Variants in HRH4 observed in about 807,000 individuals in gnomAD.
HRH4 encodes histamine H4 receptor.
HRH4 carries 12 observed loss-of-function variants against 10.4 expected under a neutral mutation model. The ratio of observed to expected loss-of-function variants is 1.15; its 90% CI spans 0.74 to 1.87. The LOEUF (loss-of-function observed/expected upper bound fraction) is 1.87. Among genes scored for constraint, HRH4 ranks in the 40% most tolerant of loss-of-function variants. The pLI is 0.00. For synonymous variants in HRH4, 154 were observed against 166.6 expected (o/e 0.92, Z 0.58); for missense variants, 415 against 453.3 (o/e 0.92, Z 0.77).
intron 2 of HRH4, among the ~76,000 whole-genome samples, chr18:24,470,942 A>G (rs1909925472): frequency 2.0e-5 from 3 of 148,212 alleles, no homozygotes; most frequent in Non-Finnish European, 4.5e-5. Context: ...TTTTTTTTTA[A>G]CCAAGTAGTG....
chr18:24,460,862 A>G lies in HRH4; in HGVS notation c.134A>G (p.Asn45Ser), dbSNP rs184989207. 6.3e-6 allele frequency: 10 copies of G among 1,586,274 alleles called. No individual in the cohort carries two copies. Among genetic ancestry groups the G allele is most frequent in the African/African-American group, 4.0e-5 (3 of 74,786 alleles). ...ATTTTAGCTTTTGTGGTGGACAAAA[A>G]CCTTAGACATCGAAGTAGTTATTTT... ...LVILAFVVDK[N>S]LRHRSSYFFL... The change falls in exon 1 of 3, where the codon AAC becomes AGC. Residue 45 changes from asparagine (N) to serine (S), a missense_variant. Physicochemically the swap from Asn to Ser is conservative, Grantham distance 46. Coordinates refer to ENST00000256906, the MANE Select transcript of HRH4 (RefSeq NM_021624.4).
rs757444582 is a variant in HRH4 at position 24,476,791 on chromosome 18, T to C, written c.402T>C (p.Thr134=). Residue 134 remains threonine, a synonymous_variant, in exon 3 of 3, where the codon ACT becomes ACC. Coordinates refer to ENST00000256906, the MANE Select transcript of HRH4 (RefSeq NM_021624.4). ...TQHTGVLKIV[T]LMVAVWVLAF... ...ATACTGGGGTCTTGAAGATTGTTAC[T>C]CTGATGGTGGCCGTTTGGGTGCTGG... 8 of 1,614,122 alleles carry C rather than the reference T, an allele frequency of 5.0e-6. No individual in the cohort carries two copies. The East Asian group carries it at 1.8e-4, about 36-fold the overall frequency.
chr18:24,462,054 G>A (rs772092940), intron 1 of HRH4, among the ~76,000 whole-genome samples: 18 of 152,166 alleles, frequency 1.2e-4, no homozygotes, highest in Non-Finnish European at 2.4e-4. Context: ...TTTAGTTAGC[G>A]AATAGAGGCA....
intron 2 of HRH4, among the ~76,000 whole-genome samples, chr18:24,475,746 A>T (rs1263388644): frequency 6.6e-6 from 1 of 152,212 alleles, no homozygotes; most frequent in Non-Finnish European, 1.5e-5. Context: ...GGTAGCTCAC[A>T]TGTGTAATCC....
At position 24,478,930 on chromosome 18, in the gene HRH4, T is replaced by A. The variant is rs913106033; in HGVS notation, c.*1368T>A. 1 of 152,050 alleles carries A rather than the reference T, an allele frequency of 6.6e-6. No individual in the cohort carries two copies. Among genetic ancestry groups the A allele is most frequent in the African/African-American group, 2.4e-5 (1 of 41,376 alleles). 9.4% of individuals were successfully genotyped at this position (152,050 alleles called of 1,614,324 possible). A position where few individuals can be genotyped will look rare whatever the true frequency, so the allele number is the denominator to read the frequency against. Reference sequence around the variant, plus strand: ...TTTTTAAAAAAAATTTTTAAAAAGGTTTTTTGAGACAGATTCTTGCTCTGT... The same window carrying A: ...TTTTTAAAAAAAATTTTTAAAAAGGATTTTTGAGACAGATTCTTGCTCTGT... On this transcript the variant is annotated 3_prime_UTR_variant, in exon 3 of 3. Coordinates refer to ENST00000256906, the MANE Select transcript of HRH4 (RefSeq NM_021624.4).
intron 1 of HRH4, among the ~76,000 whole-genome samples, chr18:24,467,834 G>A (rs528456698): frequency 1.3e-4 from 20 of 152,106 alleles, no homozygotes; most frequent in Non-Finnish European, 2.2e-4. Context: ...GTGGGCCACC[G>A]TGCCCGGCCT....
chr18:24,479,103 A>C lies in HRH4; in HGVS notation c.*1541A>C, dbSNP rs1910235858. The C allele has an allele frequency of 6.6e-6, 1 of 151,506 alleles. No homozygotes were observed. Among genetic ancestry groups the C allele is most frequent in the Admixed American group, 6.6e-5 (1 of 15,186 alleles). The allele number at this position is 151,506 out of a possible 1,614,324, so 9.4% of individuals were successfully genotyped here. On this transcript the variant is annotated 3_prime_UTR_variant, in exon 3 of 3. Transcript: ENST00000256906. ...TGGCTAATTTTGGTATTTTTAGTAG[A>C]GATGAGGTTTTGCCATTTTGGTCAG...
In HRH4 at chr18:24,460,898, T is replaced by G. The variant is rs142480341; in HGVS notation, c.170T>G (p.Leu57Trp). The change falls in exon 1 of 3, where the codon TTG becomes TGG. Residue 57 changes from leucine to tryptophan, a missense_variant. Leu to Trp is a moderately conservative substitution (Grantham distance 61). Transcript: ENST00000256906. ...RHRSSYFFLN[L>W]AISDFFVGVI... ...CGAAGTAGTTATTTTTTTCTTAACT[T>G]GGCCATCTCTGACTTCTTTGTGGGT... 9 of 1,573,362 alleles carry G rather than the reference T, an allele frequency of 5.7e-6. No individual in the cohort carries two copies. The South Asian group carries it at 8.2e-5, about 14-fold the overall frequency.
chr18:24,465,402 T>G (rs536193028), intron 1 of HRH4, among the ~76,000 whole-genome samples: 1 of 151,472 alleles, frequency 6.6e-6, no homozygotes. Flanking sequence ...GGCAGAAGGG[T>G]GGGTGGTGCA....
chr18:24,470,323 T>C (rs1022337923), intron 2 of HRH4, among the ~76,000 whole-genome samples: 1 of 152,174 alleles, frequency 6.6e-6, no homozygotes, highest in Non-Finnish European at 1.5e-5. Flanking sequence ...ACTTTCATTA[T>C]CAAGAGCCAG....
intron 2 of HRH4, 114 bp downstream of exon 2, chr18:24,469,065 G>A: frequency 1.4e-6 from 1 of 735,802 alleles, no homozygotes; most frequent in South Asian, 2.2e-5. Context: ...AGGCCTTAGA[G>A]GAACCCTATC....
At chr18:24,461,161 T>A (rs922318140) in intron 1 of HRH4, among the ~76,000 whole-genome samples, 8 of 152,146 alleles carry the variant, frequency 5.3e-5, no homozygotes, top group Non-Finnish European at 1.2e-4. Flanking sequence ...TTTTATAGAA[T>A]AAAGATAAGT....
chr18:24,472,391 G>C (rs938357524), intron 2 of HRH4, among the ~76,000 whole-genome samples: 2 of 152,076 alleles, frequency 1.3e-5, no homozygotes, highest in Admixed American at 1.3e-4. Context: ...TAATTCCCCT[G>C]GAAATTCAGG....
Position 24,477,288 on chromosome 18 carries a change from G to T in HRH4, c.899G>T (p.Arg300Ile), listed in dbSNP as rs757843291. The stretch of plus-strand genomic sequence containing the variant: ...CATGTTGAACTGCTTAGAGCCAGGA[G>T]ATTAGCCAAGTCACTGGCCATTCTC... Reference protein sequence around the residue: ...REHVELLRARRLAKSLAILLG... With the variant: ...REHVELLRARILAKSLAILLG... Residue 300 changes from arginine (R) to isoleucine (I), a missense_variant, in exon 3 of 3, where the codon AGA (arginine) becomes ATA (isoleucine). Physicochemically the swap from Arg to Ile is moderately conservative, Grantham distance 97 (BLOSUM62 -3). Transcript: ENST00000256906. 4 of 1,614,190 alleles carry T rather than the reference G, an allele frequency of 2.5e-6. No homozygotes were observed. The highest frequency in any genetic ancestry group is 2.2e-5 in the South Asian group (2 of 91,086).
intron 1 of HRH4, among the ~76,000 whole-genome samples, chr18:24,468,527 G>A (rs933623199): frequency 1.3e-5 from 2 of 152,276 alleles, no homozygotes; most frequent in Non-Finnish European, 2.9e-5. Context: ...TCTGTGGTTG[G>A]TTGAATCCAC....
chr18:24,473,976 C>CT (rs1910057527), intron 2 of HRH4, among the ~76,000 whole-genome samples: 3 of 28,760 alleles, frequency 1.0e-4, no homozygotes, highest in Admixed American at 2.3e-4. Flanking sequence ...CAGCCTGGTT[C>CT]CGATTCAAGC....
Position 24,476,808 on chromosome 18 carries a change from G to C in HRH4, c.419G>C (p.Trp140Ser). 1 of 1,614,210 alleles carries C rather than the reference G, an allele frequency of 6.2e-7. No individual in the cohort carries two copies. The highest frequency in any genetic ancestry group is 8.5e-7 in the Non-Finnish European group (1 of 1,180,038). ...LKIVTLMVAV[W>S]VLAFLVNGPM... is the part of the protein sequence containing the mutation. Reference sequence around the variant, plus strand: ...ATTGTTACTCTGATGGTGGCCGTTTGGGTGCTGGCCTTCTTAGTGAATGGG... The same window carrying C: ...ATTGTTACTCTGATGGTGGCCGTTTCGGTGCTGGCCTTCTTAGTGAATGGG... Residue 140 changes from tryptophan (W) to serine (S), a missense_variant, in exon 3 of 3, where the codon TGG (tryptophan) becomes TCG (serine). Physicochemically the swap from Trp to Ser is radical, Grantham distance 177 (BLOSUM62 -3). Coordinates refer to ENST00000256906, the MANE Select transcript of HRH4 (RefSeq NM_021624.4).
At chr18:24,476,031 TA>T (rs899481283) in intron 2 of HRH4, among the ~76,000 whole-genome samples, 6 of 150,946 alleles carry the variant, frequency 4.0e-5, no homozygotes, top group East Asian at 1.9e-4. Context: ...AAATAAAAAC[TA>T]AAAAAAAAGT....
chr18:24,469,320 C>T (rs1909871805), intron 2 of HRH4, among the ~76,000 whole-genome samples: 1 of 152,116 alleles, frequency 6.6e-6, no homozygotes, highest in Non-Finnish European at 1.5e-5. Flanking sequence ...ACTTGGAGGG[C>T]AGTAGAAAGA....
Sources: allele counts gnomAD v4.1 joint callset (sites outside exome capture counted in the v4.1 genomes callset), GRCh38; gene constraint gnomAD v4.1.1; transcripts MANE v1.5; gene names NCBI Gene and HGNC (gene_info 2026-07-23, HGNC 2026-07-21).